The following USP6 variants were observed in gnomAD, a reference collection of about 807,000 sequenced individuals.
The protein encoded by USP6 is ubiquitin carboxyl-terminal hydrolase 6.
In USP6, 128 loss-of-function variants were observed where a neutral mutation model predicts 175.7. That is an observed-to-expected ratio of 0.73 (90% CI 0.63 to 0.84). USP6 has a LOEUF of 0.84. Among genes scored for constraint, USP6 ranks in the 40% least tolerant of loss-of-function variants. The pLI is 0.00. For missense variants in USP6, 1,498 were observed against 1,760.3 expected (o/e 0.85, Z 2.67); for synonymous variants, 562 against 630.6 (o/e 0.89, Z 1.63).
At chr17:5,167,470 G>T (rs1056857198) in intron 33 of USP6, among the ~76,000 whole-genome samples, 21 of 152,188 alleles carry the variant, frequency 1.4e-4, no homozygotes, top group Non-Finnish European at 2.6e-4. Context: ...GTGAATAAAT[G>T]TGTAGGTGTT....
rs1301183247 is a variant in USP6 at position 5,166,898 on chromosome 17, CCTT to C, written c.3037-1030_3037-1028del. ...TCTCTCTCCTTTCTTACACTTGACTCCTTCTTGCTCCACAGCCTAACATGCTGA... is the reference window on the plus strand; with the variant it reads ...TCTCTCTCCTTTCTTACACTTGACTCCTTGCTCCACAGCCTAACATGCTGA... On this transcript the variant is annotated intron_variant, in intron 33 of 37. Coordinates refer to ENST00000574788, the MANE Select transcript of USP6 (RefSeq NM_001304284.2). 8.3e-4 allele frequency among the ~76,000 whole-genome samples: 127 copies of C among 152,150 alleles called. 1 individual carries two copies. Among genetic ancestry groups the C allele is most frequent in the Non-Finnish European group, 1.6e-4 (11 of 68,006 alleles).
At chr17:5,172,308 G>C (rs1217339423) in intron 37 of USP6, among the ~76,000 whole-genome samples, 1 of 152,036 alleles carries the variant, frequency 6.6e-6, no homozygotes, top group African/African-American at 2.4e-5. Flanking sequence ...AAGGTGGGCG[G>C]ATCATGAGGT....
intron 4 of USP6, among the ~76,000 whole-genome samples, chr17:5,122,407 C>T (rs2072706716): frequency 6.6e-6 from 1 of 152,190 alleles, no homozygotes; most frequent in Non-Finnish European, 1.5e-5. Context: ...ATCAGGCCTT[C>T]AGCTGGCAGT....
rs1320582916 is a variant in USP6 at position 5,152,971 on chromosome 17, C to T, written c.2644-2451C>T. Among the ~76,000 whole-genome samples, 4 of 151,738 alleles carry T rather than the reference C, an allele frequency of 2.6e-5. No homozygotes were observed. The East Asian group carries it at 7.7e-4, about 29-fold the overall frequency. On this transcript the variant is annotated intron_variant, in intron 30 of 37. Transcript: ENST00000574788. ...AGATCACACCACTATGCTCCAGCCT[C>T]GATGACAGAGCTAGACCCAGTTTCA...
chr17:5,122,755 C>T (rs1291217883), intron 4 of USP6, among the ~76,000 whole-genome samples: 1 of 152,232 alleles, frequency 6.6e-6, no homozygotes, highest in Non-Finnish European at 1.5e-5. Flanking sequence ...GCGGGTATCC[C>T]CAAACTTCCC....
intron 28 of USP6, 25 bp downstream of exon 28, chr17:5,146,199 T>C: frequency 6.4e-7 from 1 of 1,569,606 alleles, no homozygotes; most frequent in Non-Finnish European, 8.7e-7. Context: ...TCTAAGAAAC[T>C]TTTGATTCTA....
rs1354199818 is a variant in USP6 at position 5,132,345 on chromosome 17, G to A, written c.156-51G>A. ...TCTGGGGGTCGGCTCCCAGGCTTGG[G>A]CGGCTCCAGGCCCTGTGCACGTCCT... On this transcript the variant is annotated intron_variant, in intron 11 of 37. Transcript: ENST00000574788. This position sits in a 1 kb window ranked among gnomAD's most constrained non-coding sequence, Gnocchi z 4.7. 1 of 1,612,004 alleles carries A rather than the reference G, an allele frequency of 6.2e-7. No homozygotes were observed. The highest frequency in any genetic ancestry group is 8.5e-7 in the Non-Finnish European group (1 of 1,179,850).
intron 13 of USP6, 148 bp from the exon 14 acceptor site, chr17:5,133,295 T>A (rs1355376957): frequency 3.2e-6 from 3 of 945,522 alleles, no homozygotes; most frequent in Non-Finnish European, 4.9e-6. Flanking sequence ...ACTCTTTCAG[T>A]CCTGGGAAGG....
Position 5,174,124 on chromosome 17 carries a change from C to G in USP6, c.*1146C>G. On this transcript the variant is annotated 3_prime_UTR_variant, in exon 38 of 38. Transcript: ENST00000574788. The stretch of plus-strand genomic sequence containing the variant: ...CTGGTTTTTTTATTTTGATATTTGT[C>G]TTTTTTTAAATTTTACAGTAGTCAT... 5.0e-6 allele frequency: 1 copy of G among 200,304 alleles called. No individual in the cohort carries two copies. The highest frequency in any genetic ancestry group is 1.0e-5 in the Non-Finnish European group (1 of 96,914). The allele number at this position is 200,304 out of a possible 1,614,324, so 12.4% of individuals were successfully genotyped here. A position where few individuals can be genotyped will look rare whatever the true frequency, so the allele number is the denominator to read the frequency against.
At chr17:5,155,644 A>T (rs755847968) in intron 31 of USP6, 38 bp downstream of exon 31, 1 of 1,567,318 alleles carries the variant, frequency 6.4e-7, no homozygotes, top group South Asian at 1.2e-5. Context: ...GTGGTTTCCA[A>T]ACTCTAGAAA....
intron 34 of USP6, 133 bp downstream of exon 34, chr17:5,168,256 A>G (rs113240528): frequency 9.6e-6 from 11 of 1,140,814 alleles, no homozygotes; most frequent in East Asian, 2.5e-5. Flanking sequence ...ATTCTGTACA[A>G]GGTTTTTATG....
chr17:5,172,547 CAAAATAAAT>C (rs1423771962), intron 37 of USP6, among the ~76,000 whole-genome samples: 1 of 152,092 alleles, frequency 6.6e-6, no homozygotes, highest in East Asian at 1.9e-4. Context: ...TAAATACATA[CAAAATAAAT>C]AATTAGAATT....
chr17:5,123,111 G>A, intron 4 of USP6: 1 of 153,676 alleles, frequency 6.5e-6, no homozygotes, highest in South Asian at 1.8e-4. Flanking sequence ...CGTCGCGGGC[G>A]CCGTCAGAGG....
intron 4 of USP6, among the ~76,000 whole-genome samples, chr17:5,123,762 C>T (rs2072789457): frequency 6.6e-6 from 1 of 152,184 alleles, no homozygotes; most frequent in East Asian, 1.9e-4. Context: ...CACACGTGTG[C>T]AGACACGTAG....
chr17:5,168,708 T>A, intron 34 of USP6, 59 bp from the exon 35 acceptor site: 1 of 1,499,838 alleles, frequency 6.7e-7, no homozygotes, highest in Non-Finnish European at 8.9e-7. Context: ...GTTTTTTCCA[T>A]GTAAATTTTG....
chr17:5,153,719 G>A (rs79843895), intron 30 of USP6, among the ~76,000 whole-genome samples: 1 of 151,438 alleles, frequency 6.6e-6, no homozygotes, highest in Non-Finnish European at 1.5e-5. Context: ...GCAATGGCAC[G>A]ATCTCGGCTC....
rs193276414 is a variant in USP6, at chr17:5,174,492, T to C, written c.*1514T>C. 1.6e-3 allele frequency: 314 copies of C among 191,254 alleles called. 1 individual carries two copies. The highest frequency in any genetic ancestry group is 7.0e-3 in the African/African-American group (300 of 43,130). The allele number at this position is 191,254 out of a possible 1,614,324, so 11.8% of individuals were successfully genotyped here. ...AAATGGCTACCTAAATTGAAATCCTTTTCAGAAAAAATATAATTGCAAGTA... is the reference window on the plus strand; with the variant it reads ...AAATGGCTACCTAAATTGAAATCCTCTTCAGAAAAAATATAATTGCAAGTA... On this transcript the variant is annotated 3_prime_UTR_variant, in exon 38 of 38. Coordinates refer to ENST00000574788, the MANE Select transcript of USP6 (RefSeq NM_001304284.2).
chr17:5,151,576 A>G (rs2073773805), intron 30 of USP6, among the ~76,000 whole-genome samples: 1 of 152,200 alleles, frequency 6.6e-6, no homozygotes, highest in Non-Finnish European at 1.5e-5. Context: ...AAGATTGGAT[A>G]TCATCCAGAT....
chr17:5,134,933 A>G, intron 15 of USP6: 1 of 379,846 alleles, frequency 2.6e-6, no homozygotes, highest in Middle Eastern at 9.1e-4. Flanking sequence ...GAGACTGCAC[A>G]TTGGTTTGGA....
Sources: allele counts gnomAD v4.1 joint callset (sites outside exome capture counted in the v4.1 genomes callset), GRCh38; gene constraint gnomAD v4.1.1; non-coding constraint Gnocchi (gnomAD v3.1); transcripts MANE v1.5; gene names NCBI Gene and HGNC (gene_info 2026-07-23, HGNC 2026-07-21).